The following TBCA variants were observed in gnomAD, a reference collection of about 807,000 sequenced individuals.
The protein encoded by TBCA is tubulin-specific chaperone A.
TBCA carries 6 observed loss-of-function variants against 15.8 expected under a neutral mutation model. The ratio of observed to expected loss-of-function variants is 0.38; its 90% CI spans 0.21 to 0.75. The LOEUF is 0.75. Ranked by LOEUF, TBCA falls within the 30% of genes least tolerant of loss-of-function variation. The probability of loss-of-function intolerance (pLI) is 0.46; values close to 1 mark genes in which losing one functional copy is unlikely to be tolerated. For missense variants in TBCA, 90 were observed against 131.2 expected (o/e 0.69, Z 1.53); for synonymous variants, 32 against 42.3 (o/e 0.76, Z 0.94).
At chr5:77,753,915 C>T (rs1051430361) in intron 1 of TBCA, among the ~76,000 whole-genome samples, 2 of 152,142 alleles carry the variant, frequency 1.3e-5, no homozygotes, top group African/African-American at 4.8e-5. Flanking sequence ...TGCACCACCA[C>T]ACCCGACTAA....
At chr5:77,700,870 T>C (rs995679121) in intron 2 of TBCA, among the ~76,000 whole-genome samples, 9 of 152,066 alleles carry the variant, frequency 5.9e-5, no homozygotes, top group Non-Finnish European at 1.3e-4. Flanking sequence ...GCATGCCACA[T>C]GTAGGAAAAT....
intron 1 of TBCA, among the ~76,000 whole-genome samples, chr5:77,737,620 T>C (rs1363207380): frequency 6.6e-6 from 1 of 152,122 alleles, no homozygotes; most frequent in Non-Finnish European, 1.5e-5. Flanking sequence ...GACTAGATGA[T>C]CCCTCGGGTA....
chr5:77,757,770 T>G (rs1272830777), intron 1 of TBCA, among the ~76,000 whole-genome samples: 1 of 152,178 alleles, frequency 6.6e-6, no homozygotes, highest in Non-Finnish European at 1.5e-5. Flanking sequence ...TTGCCTAGGT[T>G]AAGGATGTGC....
At chr5:77,773,673 G>T (rs1580143834) in intron 1 of TBCA, among the ~76,000 whole-genome samples, 1 of 152,266 alleles carries the variant, frequency 6.6e-6, no homozygotes, top group African/African-American at 2.4e-5. Flanking sequence ...AAAGCTTCCC[G>T]GGAAGTGGGA....
intron 1 of TBCA, among the ~76,000 whole-genome samples, chr5:77,717,490 ATT>A (rs1476311595): frequency 1.3e-5 from 2 of 152,142 alleles, no homozygotes; most frequent in African/African-American, 4.8e-5. Context: ...TTCCATATAA[ATT>A]TTGTGTAAAA....
intron 1 of TBCA, among the ~76,000 whole-genome samples, chr5:77,770,693 G>A (rs1747884753): frequency 6.6e-6 from 1 of 151,204 alleles, no homozygotes; most frequent in African/African-American, 2.4e-5. Context: ...ATATCAATAG[G>A]TCTAGCAATC....
At chr5:77,760,906 T>G (rs1747609521) in intron 1 of TBCA, among the ~76,000 whole-genome samples, 1 of 150,402 alleles carries the variant, frequency 6.6e-6, no homozygotes, top group South Asian at 2.1e-4. Flanking sequence ...GAGGAGCCCC[T>G]CTGCCTGGCC....
intron 1 of TBCA, among the ~76,000 whole-genome samples, chr5:77,750,036 T>G (rs900807551): frequency 1.7e-4 from 26 of 151,978 alleles, no homozygotes; most frequent in African/African-American, 5.8e-4. Context: ...AATAATGATG[T>G]TCGCTCCAGG....
chr5:77,694,494 T>C (rs901413542), intron 2 of TBCA, among the ~76,000 whole-genome samples: 8 of 152,140 alleles, frequency 5.3e-5, no homozygotes, highest in African/African-American at 1.7e-4. Flanking sequence ...GGAAACCCAA[T>C]TGATAAGAGT....
chr5:77,725,955 G>A (rs1746623530), intron 1 of TBCA, among the ~76,000 whole-genome samples: 1 of 152,164 alleles, frequency 6.6e-6, no homozygotes, highest in Admixed American at 6.5e-5. Context: ...GTGGAGCTGA[G>A]ATTATTTTAA....
chr5:77,747,247 T>A (rs1747207048), intron 1 of TBCA, among the ~76,000 whole-genome samples: 1 of 152,112 alleles, frequency 6.6e-6, no homozygotes, highest in Non-Finnish European at 1.5e-5. Flanking sequence ...CTGGTCTTAC[T>A]ATGTGATTGA....
intron 1 of TBCA, among the ~76,000 whole-genome samples, chr5:77,732,598 T>C (rs999500369): frequency 1.3e-5 from 2 of 150,784 alleles, no homozygotes; most frequent in African/African-American, 2.4e-5. Context: ...GTGGTAATCG[T>C]GTGTCAAACA....
At chr5:77,731,763 C>T (rs565472927) in intron 1 of TBCA, among the ~76,000 whole-genome samples, 1 of 152,098 alleles carries the variant, frequency 6.6e-6, no homozygotes, top group East Asian at 1.9e-4. Context: ...ATATAATCGC[C>T]TATCAATCTT....
intron 1 of TBCA, among the ~76,000 whole-genome samples, chr5:77,724,694 G>C (rs1313574483): frequency 1.3e-5 from 2 of 152,048 alleles, no homozygotes; most frequent in Non-Finnish European, 2.9e-5. Flanking sequence ...GTTTATTATA[G>C]TATATTATTT....
intron 1 of TBCA, among the ~76,000 whole-genome samples, chr5:77,737,479 A>C (rs1746937522): frequency 6.6e-6 from 1 of 152,208 alleles, no homozygotes; most frequent in Non-Finnish European, 1.5e-5. Flanking sequence ...CTAAGGTCAA[A>C]TAAAGTTAAG....
chr5:77,737,119 C>T (rs147101627), intron 1 of TBCA, among the ~76,000 whole-genome samples: 9 of 152,290 alleles, frequency 5.9e-5, no homozygotes, highest in African/African-American at 2.2e-4. Flanking sequence ...CCAAGAATTA[C>T]AGTGACACCT....
At chr5:77,711,015 A>G (rs1746266405) in intron 1 of TBCA, among the ~76,000 whole-genome samples, 1 of 152,174 alleles carries the variant, frequency 6.6e-6, no homozygotes, top group African/African-American at 2.4e-5. Flanking sequence ...ATATCATCTT[A>G]TAATTCAAAG....
intron 1 of TBCA, among the ~76,000 whole-genome samples, chr5:77,747,037 T>G (rs774993124): frequency 3.9e-5 from 6 of 152,080 alleles, no homozygotes; most frequent in Non-Finnish European, 8.8e-5. Context: ...AAACAAAAAT[T>G]TAAGCTATTA....
intron 1 of TBCA, among the ~76,000 whole-genome samples, chr5:77,761,581 C>G (rs574183276): frequency 6.6e-6 from 1 of 152,098 alleles, no homozygotes; most frequent in Non-Finnish European, 1.5e-5. Context: ...CCACTATTAT[C>G]CTATGACCCT....
Sources: gnomAD v4.1 joint callset for allele counts (sites outside exome capture counted in the v4.1 genomes callset) on GRCh38, gnomAD v4.1.1 for gene constraint, MANE v1.5 for transcripts, NCBI Gene and HGNC (gene_info 2026-07-23, HGNC 2026-07-21) for gene names.